CACNA2D1: variants seen among roughly 807,000 people sequenced by gnomAD.
The protein encoded by CACNA2D1 is voltage-dependent calcium channel subunit alpha-2/delta-1.
Under a neutral mutation model 171.5 loss-of-function variants are expected in CACNA2D1, and 53 were observed. That is an observed-to-expected ratio of 0.31 (90% CI 0.25 to 0.39). CACNA2D1 has a LOEUF of 0.39. Among genes scored for constraint, CACNA2D1 ranks in the 10% least tolerant of loss-of-function variants. The pLI, the probability that CACNA2D1 is intolerant of heterozygous loss-of-function variation, is 1.00. For missense variants in CACNA2D1, 903 were observed against 1,299.8 expected, an observed-to-expected ratio of 0.69 and a Z score of 4.69; for synonymous variants, 442 against 443.1, an observed-to-expected ratio of 1.00 and a Z score of 0.03.
chr7:82,353,794 A>G (rs1212631038), intron 1 of CACNA2D1, among the ~76,000 whole-genome samples: 1 of 152,130 alleles, frequency 6.6e-6, no homozygotes, highest in African/African-American at 2.4e-5. Context: ...TTGGTTTTTA[A>G]TAGAAGTGAG....
intron 3 of CACNA2D1, among the ~76,000 whole-genome samples, chr7:82,176,225 G>A (rs1370366587): frequency 6.6e-6 from 1 of 151,932 alleles, no homozygotes; most frequent in African/African-American, 2.4e-5. Flanking sequence ...AAGTCTTGAA[G>A]ACCTCAACAG....
intron 10 of CACNA2D1, among the ~76,000 whole-genome samples, chr7:82,057,142 A>C (rs968465924): frequency 2.0e-5 from 3 of 152,178 alleles, no homozygotes; most frequent in Admixed American, 2.0e-4. Flanking sequence ...TAATTTTTTA[A>C]AAATGGTTGA....
At chr7:82,244,486 A>G (rs1031795844) in intron 3 of CACNA2D1, among the ~76,000 whole-genome samples, 1 of 152,180 alleles carries the variant, frequency 6.6e-6, no homozygotes, top group African/African-American at 2.4e-5. Flanking sequence ...TTTCTACAGT[A>G]GACCAAACAG....
intron 4 of CACNA2D1, among the ~76,000 whole-genome samples, chr7:82,146,721 T>A (rs1199628097): frequency 1.3e-5 from 2 of 150,890 alleles, no homozygotes; most frequent in Non-Finnish European, 3.0e-5. Flanking sequence ...GCGCCTTGAC[T>A]CAGGCCTGTA....
intron 3 of CACNA2D1, among the ~76,000 whole-genome samples, chr7:82,310,691 G>T (rs1296445766): frequency 2.0e-5 from 3 of 152,056 alleles, no homozygotes; most frequent in Non-Finnish European, 4.4e-5. Context: ...TGTGACTCCT[G>T]CTGTCTTTAC....
chr7:82,119,625 C>A (rs1789482948), intron 5 of CACNA2D1, among the ~76,000 whole-genome samples: 1 of 152,000 alleles, frequency 6.6e-6, no homozygotes, highest in African/African-American at 2.4e-5. Flanking sequence ...CTACTTATAG[C>A]AAAATATTCA....
At chr7:81,962,120 A>T in intron 35 of CACNA2D1, 97 bp from the exon 36 acceptor site, 1 of 1,208,712 alleles carries the variant, frequency 8.3e-7, no homozygotes, top group Non-Finnish European at 1.2e-6. Flanking sequence ...AGAGCAAAAT[A>T]AACGTATAAG....
intron 3 of CACNA2D1, among the ~76,000 whole-genome samples, chr7:82,181,362 ACT>A (rs1297803561): frequency 2.6e-5 from 4 of 151,776 alleles, no homozygotes; most frequent in Admixed American, 2.0e-4. Flanking sequence ...TTCTTTGGTG[ACT>A]CTGCATTTTG....
intron 3 of CACNA2D1, among the ~76,000 whole-genome samples, chr7:82,206,543 A>G (rs1291725679): frequency 6.6e-6 from 1 of 152,168 alleles, no homozygotes; most frequent in South Asian, 2.1e-4. Context: ...CTGCACTCAG[A>G]TAAAATATTA....
chr7:82,330,494 C>T (rs1817181306), intron 3 of CACNA2D1, among the ~76,000 whole-genome samples: 1 of 151,970 alleles, frequency 6.6e-6, no homozygotes, highest in South Asian at 2.1e-4. Context: ...AAGAAAACAA[C>T]CAGCTACATT....
intron 5 of CACNA2D1, among the ~76,000 whole-genome samples, chr7:82,118,043 G>C (rs1789285170): frequency 6.6e-6 from 1 of 152,002 alleles, no homozygotes; most frequent in East Asian, 1.9e-4. Flanking sequence ...TTTTAAAAAA[G>C]AAAGTATGCT....
intron 3 of CACNA2D1, among the ~76,000 whole-genome samples, chr7:82,224,561 A>C (rs563417219): frequency 6.6e-6 from 1 of 152,230 alleles, no homozygotes; most frequent in South Asian, 2.1e-4. Flanking sequence ...CCAGCCTGGC[A>C]ACACAGCGAG....
chr7:82,409,414 G>A (rs545800514), intron 1 of CACNA2D1, among the ~76,000 whole-genome samples: 62 of 152,154 alleles, frequency 4.1e-4, no homozygotes, highest in Non-Finnish European at 4.1e-4. Flanking sequence ...ACAGGAAACT[G>A]AAATATGAAG....
intron 1 of CACNA2D1, among the ~76,000 whole-genome samples, chr7:82,431,405 A>G (rs551995513): frequency 2.6e-5 from 4 of 152,284 alleles, no homozygotes; most frequent in Non-Finnish European, 4.4e-5. Context: ...TCACGATAAC[A>G]TTGGATGCAG....
intron 4 of CACNA2D1, among the ~76,000 whole-genome samples, chr7:82,137,995 G>A (rs562512776): frequency 6.6e-6 from 1 of 152,210 alleles, no homozygotes; most frequent in South Asian, 2.1e-4. Flanking sequence ...ACTTCTTCAA[G>A]ATATTAATGG....
intron 3 of CACNA2D1, among the ~76,000 whole-genome samples, chr7:82,173,870 C>T (rs987344308): frequency 6.6e-6 from 1 of 151,238 alleles, no homozygotes; most frequent in African/African-American, 2.4e-5. Flanking sequence ...ATAGTGAGAT[C>T]CTGTCTCTAA....
chr7:81,946,735 TAC>T lies in CACNA2D1; in HGVS notation c.*3655_*3656del, dbSNP rs1792079627. The T allele has an allele frequency of 6.6e-6, 1 of 152,062 alleles. No individual in the cohort carries two copies. 9.4% of individuals were successfully genotyped at this position (152,062 alleles called of 1,614,324 possible). ...TACAACACAACAAAAAAGACAGCTT[TAC>T]TAGGTCACATTATAAACTCAACTGG... is the stretch of plus-strand genomic sequence containing the variant. On this transcript the variant is annotated 3_prime_UTR_variant, in exon 39 of 39. Coordinates refer to ENST00000356860, the MANE Select transcript of CACNA2D1 (RefSeq NM_000722.4).
intron 6 of CACNA2D1, among the ~76,000 whole-genome samples, chr7:82,093,221 T>C (rs1162564438): frequency 2.0e-5 from 3 of 152,130 alleles, no homozygotes; most frequent in African/African-American, 7.2e-5. Flanking sequence ...TCCTCACTCG[T>C]ACAGTGGGGA....
intron 7 of CACNA2D1, among the ~76,000 whole-genome samples, chr7:82,078,364 C>A (rs1415973567): frequency 6.6e-6 from 1 of 152,144 alleles, no homozygotes; most frequent in African/African-American, 2.4e-5. Context: ...ATCCCAATTA[C>A]TGCAACAATT....
Sources: allele counts gnomAD v4.1 joint callset (sites outside exome capture counted in the v4.1 genomes callset), GRCh38; gene constraint gnomAD v4.1.1; transcripts MANE v1.5; gene names NCBI Gene and HGNC (gene_info 2026-07-23, HGNC 2026-07-21).